CNTN4: variants seen among roughly 807,000 people sequenced by gnomAD.
CNTN4 encodes contactin-4.
A neutral mutation model predicts 122.5 loss-of-function variants in CNTN4; 77 were observed. The ratio of observed to expected loss-of-function variants is 0.63; its 90% confidence interval spans 0.52 to 0.76. The LOEUF is 0.76. Ranked by LOEUF, CNTN4 falls within the 30% of genes least tolerant of loss-of-function variation. CNTN4 has a pLI of 0.00. For missense variants in CNTN4, 1,256 were observed against 1,259.1 expected, an observed-to-expected ratio of 1.00 and a Z score of 0.04; for synonymous variants, 512 against 447.0, an observed-to-expected ratio of 1.15 and a Z score of -1.83.
At chr3:2,918,496 C>A (rs962418270) in intron 12 of CNTN4, among the ~76,000 whole-genome samples, 1 of 152,114 alleles carries the variant, frequency 6.6e-6, no homozygotes, top group Non-Finnish European at 1.5e-5. Context: ...TAGGGAAAGG[C>A]GGTTAGCTGC....
chr3:2,808,295 C>T (rs1233620050), intron 6 of CNTN4, among the ~76,000 whole-genome samples: 1 of 152,012 alleles, frequency 6.6e-6, no homozygotes, highest in Admixed American at 6.6e-5. Context: ...TGATGCATAA[C>T]TTTTCAGCAT....
intron 8 of CNTN4, among the ~76,000 whole-genome samples, chr3:2,878,106 A>T (rs1204506408): frequency 6.6e-6 from 1 of 152,132 alleles, no homozygotes; most frequent in Non-Finnish European, 1.5e-5. Context: ...TCTATCTCTG[A>T]TCCTTCTCTT....
intron 14 of CNTN4, among the ~76,000 whole-genome samples, chr3:3,014,876 T>A (rs538396012): frequency 1.3e-5 from 1 of 77,060 alleles, no homozygotes; most frequent in Admixed American, 2.1e-4. Flanking sequence ...TGACCCTCGA[T>A]TGGTTTTTTT....
chr3:2,267,838 CA>C (rs375899312), intron 2 of CNTN4, among the ~76,000 whole-genome samples: 11 of 151,498 alleles, frequency 7.3e-5, no homozygotes, highest in African/African-American at 2.7e-4. Context: ...ATCTTTTCAT[CA>C]TATATATAAC....
chr3:2,597,163 G>T lies in CNTN4; in HGVS notation c.55+25605G>T, dbSNP rs139452500. Among the ~76,000 whole-genome samples, 1,195 of 152,184 alleles carry T rather than the reference G, an allele frequency of 7.9e-3. 20 individuals carry two copies. The highest frequency in any genetic ancestry group is 0.027 in the African/African-American group (1,134 of 41,502). On this transcript the variant is annotated intron_variant, in intron 4 of 24. Coordinates refer to ENST00000418658, the MANE Select transcript of CNTN4 (RefSeq NM_175607.3). Reference sequence around the variant, plus strand: ...CTGTCCTTTCCATAGCATTTCCAAGGCACCTGCATTCTTTTGCAGCTACTA... The same window carrying T: ...CTGTCCTTTCCATAGCATTTCCAAGTCACCTGCATTCTTTTGCAGCTACTA...
intron 2 of CNTN4, among the ~76,000 whole-genome samples, chr3:2,209,786 G>T (rs1037359490): frequency 6.6e-6 from 1 of 152,034 alleles, no homozygotes; most frequent in Non-Finnish European, 1.5e-5. Context: ...GAATCAGTTG[G>T]CAATTCCTGT....
chr3:2,178,820 A>G (rs1456920077), intron 2 of CNTN4, among the ~76,000 whole-genome samples: 3 of 152,068 alleles, frequency 2.0e-5, no homozygotes, highest in Non-Finnish European at 4.4e-5. Context: ...CAGCCAGACT[A>G]CAACACAGAT....
intron 3 of CNTN4, among the ~76,000 whole-genome samples, chr3:2,386,475 T>C (rs2046261789): frequency 6.6e-6 from 1 of 152,226 alleles, no homozygotes. Flanking sequence ...CTGGGTTTCT[T>C]GGAATTAGTT....
intron 2 of CNTN4, among the ~76,000 whole-genome samples, chr3:2,257,490 G>A (rs2040645576): frequency 6.6e-6 from 1 of 152,142 alleles, no homozygotes; most frequent in South Asian, 2.1e-4. Flanking sequence ...ACTATCATCA[G>A]AGTGAACAGG....
chr3:2,917,191 G>C (rs78566559), intron 12 of CNTN4, among the ~76,000 whole-genome samples: 59,388 of 145,838 alleles, frequency 0.41, 12,832 homozygotes, highest in East Asian at 0.66. Flanking sequence ...ATCGCAGGCA[G>C]TCGGCAGGCT....
At chr3:2,413,949 C>T (rs575582447) in intron 3 of CNTN4, among the ~76,000 whole-genome samples, 1 of 152,142 alleles carries the variant, frequency 6.6e-6, no homozygotes, top group Non-Finnish European at 1.5e-5. Flanking sequence ...GTGCCAACAA[C>T]TCAGTATTTA....
At chr3:2,536,509 A>G (rs1332993565) in intron 3 of CNTN4, among the ~76,000 whole-genome samples, 1 of 152,124 alleles carries the variant, frequency 6.6e-6, no homozygotes, top group African/African-American at 2.4e-5. Context: ...TATCATAAAA[A>G]CAGTTGATCC....
chr3:3,047,659 C>A (rs1700803924), intron 23 of CNTN4, among the ~76,000 whole-genome samples: 1 of 148,638 alleles, frequency 6.7e-6, no homozygotes, highest in Non-Finnish European at 1.5e-5. Flanking sequence ...GCACTAAATG[C>A]CCACAAGAGA....
At chr3:2,866,551 A>G in intron 7 of CNTN4, 2 of 1,249,106 alleles carry the variant, frequency 1.6e-6, no homozygotes, top group Non-Finnish European at 2.1e-6. Flanking sequence ...TTCTCTGGAA[A>G]TAAAACCTTA....
intron 3 of CNTN4, among the ~76,000 whole-genome samples, chr3:2,472,698 T>C (rs1226117585): frequency 6.6e-6 from 1 of 152,112 alleles, no homozygotes; most frequent in African/African-American, 2.4e-5. Context: ...TAGAAATGAA[T>C]CCTTAAGCAG....
chr3:2,943,092 A>T (rs1161407186), intron 13 of CNTN4, among the ~76,000 whole-genome samples: 2 of 152,168 alleles, frequency 1.3e-5, no homozygotes, highest in African/African-American at 2.4e-5. Flanking sequence ...CAGTAGGGCA[A>T]AGAGAAACGT....
rs17024861 is a variant in CNTN4, at chr3:3,024,117, C to T, written c.1487-1985C>T. On this transcript the variant is annotated intron_variant, in intron 14 of 24. Coordinates refer to ENST00000418658, the MANE Select transcript of CNTN4 (RefSeq NM_175607.3). ...GTTATCCATGTAAACACAATCCATG[C>T]TTGGCGGATAAATCAAGAAATAAAT... 3.5e-3 allele frequency among the ~76,000 whole-genome samples: 528 copies of T among 152,186 alleles called. 3 individuals are homozygous for T. Among genetic ancestry groups the T allele is most frequent in the African/African-American group, 0.012 (492 of 41,528 alleles).
intron 7 of CNTN4, among the ~76,000 whole-genome samples, chr3:2,845,058 G>T (rs184500840): frequency 9.9e-5 from 15 of 152,110 alleles, no homozygotes; most frequent in African/African-American, 3.6e-4. Flanking sequence ...ATAAACTAAT[G>T]AAATAAAAAT....
intron 2 of CNTN4, among the ~76,000 whole-genome samples, chr3:2,201,623 G>A (rs573339852): frequency 6.6e-6 from 1 of 152,266 alleles, no homozygotes; most frequent in Non-Finnish European, 1.5e-5. Flanking sequence ...CTTACTTAGA[G>A]AGTGATTGAT....
Sources: gnomAD v4.1 joint callset for allele counts (sites outside exome capture counted in the v4.1 genomes callset) on GRCh38, gnomAD v4.1.1 for gene constraint, MANE v1.5 for transcripts, NCBI Gene and HGNC (gene_info 2026-07-23, HGNC 2026-07-21) for gene names.